Variants in NTM observed in about 807,000 individuals in gnomAD.
The protein encoded by NTM is IgLON family member 2.
In NTM, 13 loss-of-function variants were observed where a neutral mutation model predicts 42.1. That is an observed-to-expected ratio of 0.31 (90% confidence interval 0.20 to 0.49). NTM has a LOEUF of 0.49. Among genes scored for constraint, NTM ranks in the 20% least tolerant of loss-of-function variants. The pLI is 0.99. For missense variants in NTM, 373 were observed against 452.8 expected (o/e 0.82, Z 1.60); for synonymous variants, 187 against 179.2 (o/e 1.04, Z -0.35).
At chr11:132,322,230 T>C (rs1376431742) in intron 7 of NTM, among the ~76,000 whole-genome samples, 2 of 152,120 alleles carry the variant, frequency 1.3e-5, no homozygotes, top group African/African-American at 2.4e-5. Context: ...AGACACAGAC[T>C]GACAAATTGG....
intron 2 of NTM, among the ~76,000 whole-genome samples, chr11:131,924,900 T>G (rs2057738418): frequency 2.0e-5 from 3 of 152,252 alleles, no homozygotes; most frequent in Admixed American, 2.0e-4. Context: ...CAGATGTAGT[T>G]TCTGAATCCA....
At chr11:132,009,488 C>T (rs887876228) in intron 2 of NTM, among the ~76,000 whole-genome samples, 8 of 152,192 alleles carry the variant, frequency 5.3e-5, no homozygotes, top group Non-Finnish European at 1.2e-4. Flanking sequence ...AAAGGGATGT[C>T]GTTTCTGGCA....
chr11:132,267,831 G>C (rs2093281340), intron 4 of NTM, among the ~76,000 whole-genome samples: 1 of 140,452 alleles, frequency 7.1e-6, no homozygotes, highest in Admixed American at 7.8e-5. Flanking sequence ...GACAGAGCAA[G>C]ACTCCATCTC....
At chr11:132,091,719 C>A (rs2060398569) in intron 2 of NTM, among the ~76,000 whole-genome samples, 1 of 152,062 alleles carries the variant, frequency 6.6e-6, no homozygotes, top group African/African-American at 2.4e-5. Context: ...TGGGCTCAAG[C>A]AGTCCTCCTG....
At chr11:131,521,419 T>C (rs1292028919) in intron 1 of NTM, among the ~76,000 whole-genome samples, 2 of 73,680 alleles carry the variant, frequency 2.7e-5, no homozygotes, top group African/African-American at 1.5e-4. Context: ...TTTTTTTTTT[T>C]TTTGAGACGG....
chr11:132,277,301 T>G (rs1318659125), intron 4 of NTM, among the ~76,000 whole-genome samples: 1 of 152,180 alleles, frequency 6.6e-6, no homozygotes, highest in Non-Finnish European at 1.5e-5. Flanking sequence ...GTTAATGACT[T>G]TGCCTTGACT....
chr11:131,843,343 A>G (rs1161671383), intron 1 of NTM, among the ~76,000 whole-genome samples: 1 of 152,196 alleles, frequency 6.6e-6, no homozygotes, highest in Non-Finnish European at 1.5e-5. Context: ...ATTGTTCTCC[A>G]TGATTTTGAA....
chr11:131,418,568 G>T (rs1225456027), intron 1 of NTM, among the ~76,000 whole-genome samples: 1 of 152,170 alleles, frequency 6.6e-6, no homozygotes, highest in Non-Finnish European at 1.5e-5. Context: ...GCAAGTGGTG[G>T]AGGCCGGCAC....
chr11:132,111,889 T>A (rs1452408228), intron 2 of NTM, among the ~76,000 whole-genome samples: 1 of 152,204 alleles, frequency 6.6e-6, no homozygotes, highest in South Asian at 2.1e-4. Flanking sequence ...TCTGGCGAGG[T>A]TGTCAGTGAT....
chr11:131,745,463 A>G (rs539906524), intron 1 of NTM, among the ~76,000 whole-genome samples: 26 of 152,236 alleles, frequency 1.7e-4, no homozygotes, highest in African/African-American at 6.3e-4. Context: ...CAGAATCGCT[A>G]TTTTTGCTTG....
At chr11:131,616,817 TG>T (rs1213949632) in intron 1 of NTM, among the ~76,000 whole-genome samples, 1 of 121,582 alleles carries the variant, frequency 8.2e-6, no homozygotes, top group African/African-American at 3.9e-5. Context: ...GTGTGTTGTT[TG>T]GTTTGGTTTT....
At chr11:131,804,579 A>G (rs1261670145) in intron 1 of NTM, among the ~76,000 whole-genome samples, 1 of 151,990 alleles carries the variant, frequency 6.6e-6, no homozygotes, top group Non-Finnish European at 1.5e-5. Context: ...CTCCTTGCTT[A>G]CCCGACACAG....
chr11:131,925,815 A>G (rs1032770854), intron 2 of NTM, among the ~76,000 whole-genome samples: 1 of 152,096 alleles, frequency 6.6e-6, no homozygotes, highest in African/African-American at 2.4e-5. Context: ...ACGTACAAGG[A>G]ATGGAGGCAA....
intron 1 of NTM, among the ~76,000 whole-genome samples, chr11:131,691,565 C>CCT (rs796828164): frequency 2.2e-4 from 34 of 152,256 alleles, no homozygotes; most frequent in African/African-American, 7.7e-4. Context: ...AAAGCCCCCC[C>CCT]CCGACTTCCC....
intron 1 of NTM, among the ~76,000 whole-genome samples, chr11:131,653,677 C>T (rs1481151300): frequency 6.6e-6 from 1 of 152,182 alleles, no homozygotes; most frequent in Non-Finnish European, 1.5e-5. Flanking sequence ...GAGTGTAGGG[C>T]ACCCCTGCGT....
At position 131,615,257 on chromosome 11, in the gene NTM, G is replaced by A. The variant is rs535239710; in HGVS notation, c.82+244369G>A. ...TCTCTCAGCCTCAGATTCCTCTGTG[G>A]CAATATAGAGATGTCACAGTATCTG... is the stretch of plus-strand genomic sequence containing the variant. On this transcript the variant is annotated intron_variant, in intron 1 of 8. Transcript: ENST00000683400. Among the ~76,000 whole-genome samples, 5 of 152,258 alleles carry A rather than the reference G, an allele frequency of 3.3e-5. 1 individual carries two copies. The South Asian group carries it at 1.0e-3, about 32-fold the overall frequency.
intron 1 of NTM, among the ~76,000 whole-genome samples, chr11:131,638,563 C>CAAAA (rs58374119): frequency 4.9e-4 from 26 of 53,270 alleles, no homozygotes; most frequent in African/African-American, 1.4e-3. Context: ...GAGACTCCTT[C>CAAAA]AAAAAAAAAA....
At chr11:132,127,624 C>A (rs946163658) in intron 2 of NTM, among the ~76,000 whole-genome samples, 1 of 152,220 alleles carries the variant, frequency 6.6e-6, no homozygotes, top group Non-Finnish European at 1.5e-5. Flanking sequence ...GCCTCGGATG[C>A]TTTTATGGGC....
chr11:131,770,238 C>G (rs142363310), intron 1 of NTM, among the ~76,000 whole-genome samples: 23 of 152,332 alleles, frequency 1.5e-4, no homozygotes, highest in Non-Finnish European at 2.5e-4. Context: ...GACCAGAAGT[C>G]CCCGCTGAGC....
Sources: gnomAD v4.1 joint callset for allele counts (sites outside exome capture counted in the v4.1 genomes callset) on GRCh38, gnomAD v4.1.1 for gene constraint, MANE v1.5 for transcripts, NCBI Gene and HGNC (gene_info 2026-07-23, HGNC 2026-07-21) for gene names.